SYN3: variants seen among roughly 807,000 people sequenced by gnomAD.
SYN3 encodes synapsin-3.
Under a neutral mutation model 65.8 loss-of-function variants are expected in SYN3, and 35 were observed. That is an observed-to-expected ratio of 0.53 (90% CI 0.41 to 0.70). SYN3 has a LOEUF of 0.70. Among genes scored for constraint, SYN3 ranks in the 30% least tolerant of loss-of-function variants. The pLI is 0.00. For missense variants in SYN3, 680 were observed against 749.0 expected (o/e 0.91, Z 1.08); for synonymous variants, 270 against 292.9 (o/e 0.92, Z 0.80).
intron 6 of SYN3, among the ~76,000 whole-genome samples, chr22:32,646,665 C>T (rs1192658984): frequency 6.6e-6 from 1 of 152,024 alleles, no homozygotes. Context: ...CTTTCCAGGC[C>T]CTGCAAACTA....
intron 6 of SYN3, among the ~76,000 whole-genome samples, chr22:32,739,944 A>G (rs1053386476): frequency 2.0e-5 from 3 of 152,236 alleles, no homozygotes; most frequent in Non-Finnish European, 4.4e-5. Flanking sequence ...TCGGACCACT[A>G]TGAAGTCTCG....
At chr22:32,878,255 G>C (rs1478317513) in intron 4 of SYN3, among the ~76,000 whole-genome samples, 1 of 152,116 alleles carries the variant, frequency 6.6e-6, no homozygotes, top group East Asian at 1.9e-4. Flanking sequence ...GTGCTCCCAG[G>C]AACTGGGCGT....
chr22:32,949,520 T>G (rs1479979812), intron 3 of SYN3, among the ~76,000 whole-genome samples: 1 of 152,032 alleles, frequency 6.6e-6, no homozygotes. Flanking sequence ...TCGTGTCCAG[T>G]TTCAGGAACA....
At chr22:32,612,379 T>C (rs974151340) in intron 6 of SYN3, among the ~76,000 whole-genome samples, 2 of 152,190 alleles carry the variant, frequency 1.3e-5, no homozygotes, top group African/African-American at 2.4e-5. Flanking sequence ...GTAGGATCTA[T>C]GCTAACTCCA....
At chr22:32,864,855 A>G (rs2048646549) in intron 6 of SYN3, 60 bp downstream of exon 6, 1 of 1,480,840 alleles carries the variant, frequency 6.8e-7, no homozygotes. Flanking sequence ...GAGACCGAGG[A>G]CAAGTCATCT....
intron 3 of SYN3, among the ~76,000 whole-genome samples, chr22:32,967,976 T>C (rs734315): frequency 0.028 from 4,314 of 152,216 alleles, 216 homozygotes; most frequent in African/African-American, 0.097. Flanking sequence ...CATCAACAGA[T>C]GAAGGAATCA....
intron 3 of SYN3, among the ~76,000 whole-genome samples, chr22:32,952,718 G>A (rs963911658): frequency 1.3e-5 from 2 of 152,062 alleles, no homozygotes; most frequent in South Asian, 2.1e-4. Context: ...TTGCACCATC[G>A]CCCTGCAGCC....
At chr22:32,823,869 C>A (rs532449645) in intron 6 of SYN3, among the ~76,000 whole-genome samples, 4 of 152,224 alleles carry the variant, frequency 2.6e-5, no homozygotes, top group African/African-American at 9.6e-5. Flanking sequence ...CCCCACAGTG[C>A]CCTGCCACAG....
chr22:32,737,661 T>G (rs1488336019), intron 6 of SYN3, among the ~76,000 whole-genome samples: 1 of 152,222 alleles, frequency 6.6e-6, no homozygotes, highest in Non-Finnish European at 1.5e-5. Context: ...TCTCAAATCC[T>G]TTTCAAAGGA....
At chr22:32,804,235 G>C (rs918968199) in intron 6 of SYN3, among the ~76,000 whole-genome samples, 2 of 152,160 alleles carry the variant, frequency 1.3e-5, no homozygotes, top group African/African-American at 4.8e-5. Flanking sequence ...CTAGTGGCAG[G>C]GATGAGCTAA....
At chr22:32,968,509 G>A (rs139922678) in intron 3 of SYN3, among the ~76,000 whole-genome samples, 5 of 152,276 alleles carry the variant, frequency 3.3e-5, no homozygotes, top group Middle Eastern at 3.4e-3. Flanking sequence ...ATTCTTAGTT[G>A]CATGCCTTGC....
At chr22:32,638,712 T>C (rs987990714) in intron 6 of SYN3, among the ~76,000 whole-genome samples, 3 of 152,244 alleles carry the variant, frequency 2.0e-5, no homozygotes, top group African/African-American at 7.2e-5. Context: ...TTCCACATAT[T>C]AGACCTTTGT....
At position 32,724,738 on chromosome 22, in the gene SYN3, C is replaced by T. The variant is rs945986781; in HGVS notation, c.712-128002G>A. On this transcript the variant is annotated intron_variant, in intron 6 of 13. Coordinates refer to ENST00000358763, the MANE Select transcript of SYN3 (RefSeq NM_003490.4). ...TAAATTTTGACATGTCTAGAAATGG[C>T]GCAAGAGAGGGAAGGATGCCATTAG... Among the ~76,000 whole-genome samples the T allele has an allele frequency of 2.0e-5, 3 of 152,032 alleles. No individual in the cohort carries two copies. The South Asian group carries it at 6.2e-4, about 31-fold the overall frequency.
chr22:32,958,545 A>G (rs1458141865), intron 3 of SYN3, among the ~76,000 whole-genome samples: 5 of 152,180 alleles, frequency 3.3e-5, no homozygotes, highest in African/African-American at 1.2e-4. Context: ...CAATATAATA[A>G]TTATTACATA....
intron 6 of SYN3, among the ~76,000 whole-genome samples, chr22:32,680,845 C>G (rs1487289338): frequency 6.6e-6 from 1 of 152,206 alleles, no homozygotes; most frequent in Non-Finnish European, 1.5e-5. Context: ...TTCCATATAT[C>G]TAGGCTATTG....
chr22:32,644,073 CAAAAAAAAAA>C (rs1175308291), intron 6 of SYN3, among the ~76,000 whole-genome samples: 4 of 3,912 alleles, frequency 1.0e-3, no homozygotes, highest in Non-Finnish European at 2.0e-3. Flanking sequence ...GACTCTGCCT[CAAAAAAAAAA>C]AAAAAAAAAA....
chr22:32,637,447 C>T (rs2059831715), intron 6 of SYN3, among the ~76,000 whole-genome samples: 1 of 152,014 alleles, frequency 6.6e-6, no homozygotes, highest in Admixed American at 6.6e-5. Context: ...TCCACCTTCT[C>T]CCTGGGTTTT....
chr22:32,601,698 T>G (rs2059286549), intron 6 of SYN3, among the ~76,000 whole-genome samples: 1 of 152,176 alleles, frequency 6.6e-6, no homozygotes. Flanking sequence ...GCCAGATTAT[T>G]GGGGGCCTTT....
chr22:32,609,918 T>G (rs2059418873), intron 6 of SYN3, among the ~76,000 whole-genome samples: 1 of 152,182 alleles, frequency 6.6e-6, no homozygotes, highest in Non-Finnish European at 1.5e-5. Context: ...TTTTACAACT[T>G]TATTGAGATA....
Sources: gnomAD v4.1 joint callset for allele counts (sites outside exome capture counted in the v4.1 genomes callset) on GRCh38, gnomAD v4.1.1 for gene constraint, MANE v1.5 for transcripts, NCBI Gene and HGNC (gene_info 2026-07-23, HGNC 2026-07-21) for gene names.